The following C11orf65 variants were observed in gnomAD, a reference collection of about 807,000 sequenced individuals.
The protein encoded by C11orf65 is chromosome 11 open reading frame 65.
Under a neutral mutation model 35.3 loss-of-function variants are expected in C11orf65, and 38 were observed. The ratio of observed to expected loss-of-function variants is 1.08; its 90% CI spans 0.83 to 1.41. The LOEUF (loss-of-function observed/expected upper bound fraction) is 1.41, where lower values mean the gene tolerates loss of function less well. Among genes scored for constraint, C11orf65 ranks in the 40% most tolerant of loss-of-function variants. C11orf65 has a pLI of 0.00. For missense variants in C11orf65, 370 were observed against 367.1 expected, an observed-to-expected ratio of 1.01 and a Z score of -0.06; for synonymous variants, 105 against 114.4, an observed-to-expected ratio of 0.92 and a Z score of 0.53.
chr11:108,436,234 G>A (rs2093058546), intron 2 of C11orf65, among the ~76,000 whole-genome samples: 1 of 152,172 alleles, frequency 6.6e-6, no homozygotes, highest in Non-Finnish European at 1.5e-5. Flanking sequence ...AAGCTCTGCT[G>A]ACGCTTGATT....
intron 2 of C11orf65, among the ~76,000 whole-genome samples, chr11:108,444,658 C>G (rs2135552316): frequency 6.6e-6 from 1 of 152,278 alleles, no homozygotes; most frequent in Middle Eastern, 3.4e-3. Flanking sequence ...CAGCTCCAGT[C>G]TACAGCTCCC....
At chr11:108,318,890 T>C (rs1298497932) in intron 6 of C11orf65, among the ~76,000 whole-genome samples, 3 of 151,822 alleles carry the variant, frequency 2.0e-5, no homozygotes, top group African/African-American at 4.8e-5. Context: ...AAAAAAAAAT[T>C]ATTGGCCGAG....
At position 108,335,029 on chromosome 11, in the gene C11orf65, C is replaced by T. The variant is rs531980488; in HGVS notation, c.299+191G>A. On this transcript the variant is annotated intron_variant, in intron 3 of 3. Transcript: ENST00000524755. Reference sequence around the variant, plus strand: ...TATACAGTCATTTAAAGCAGAATTTCGCTTAGCAGGAGGTGTAAATTTACC... The same window carrying T: ...TATACAGTCATTTAAAGCAGAATTTTGCTTAGCAGGAGGTGTAAATTTACC... The T allele has an allele frequency of 3.9e-5, 63 of 1,613,840 alleles. No homozygotes were observed. In the Admixed American group the frequency reaches 4.3e-4, roughly 11 times the overall value.
intron 2 of C11orf65, among the ~76,000 whole-genome samples, chr11:108,376,747 A>T (rs1222710628): frequency 6.6e-6 from 1 of 152,196 alleles, no homozygotes; most frequent in Non-Finnish European, 1.5e-5. Flanking sequence ...ACTAATAAAG[A>T]AAAAAGGAGA....
chr11:108,367,459 C>A (rs1292473958), intron 2 of C11orf65: 1 of 201,856 alleles, frequency 5.0e-6, no homozygotes, highest in Non-Finnish European at 1.0e-5. Flanking sequence ...CTCTGTCCCC[C>A]AGCTGTCATC....
Position 108,436,111 on chromosome 11 carries a change from G to GA in C11orf65, c.82-4274dup, listed in dbSNP as rs200441216. ...TTGCTCCAGGAAAGGATTTTAGGAG[G>GA]AAAAAAAAAAAAAAGAAAGAAAATA... On this transcript the variant is annotated intron_variant, in intron 2 of 8. Coordinates refer to ENST00000393084, the MANE Select transcript of C11orf65 (RefSeq NM_152587.5). Among the ~76,000 whole-genome samples the GA allele has an allele frequency of 3.1e-3, 414 of 133,144 alleles. 10 individuals carry two copies. In the South Asian group the frequency reaches 0.041, roughly 13 times the overall value. 87.3% of individuals were successfully genotyped at this position (133,144 alleles called of 152,430 possible).
In C11orf65 at chr11:108,385,973, T is replaced by G. The variant is rs761247608; in HGVS notation, c.734A>C (p.Tyr245Ser). 5 of 1,612,892 alleles carry G rather than the reference T, an allele frequency of 3.1e-6. No homozygotes were observed. The Admixed American group carries it at 8.3e-5, about 27-fold the overall frequency. Residue 245 changes from tyrosine to serine, a missense_variant and splice_region_variant, in exon 8 of 9, where the codon TAC (tyrosine) becomes TCC (serine). By Grantham distance (144) the Tyr-to-Ser change is moderately radical. Transcript: ENST00000393084. ...AGCAATTTCCTTCCAGCTGGCAATGTACCTAAGCACATTATATGAGGATTC... is the reference window on the plus strand; with the variant it reads ...AGCAATTTCCTTCCAGCTGGCAATGGACCTAAGCACATTATATGAGGATTC... ...NWTNTLNFDE[Y>S]IASWKEIATS...
chr11:108,364,134 C>T (rs1023513495), intron 2 of C11orf65, among the ~76,000 whole-genome samples: 8 of 152,230 alleles, frequency 5.3e-5, no homozygotes, highest in Admixed American at 2.6e-4. Context: ...TAATCTAGTA[C>T]GTGTCCTGAA....
intron 6 of C11orf65, chr11:108,319,964 G>C (rs2136218834): frequency 6.2e-7 from 1 of 1,609,944 alleles, no homozygotes; most frequent in Non-Finnish European, 8.5e-7. Flanking sequence ...CAAAGAAGTA[G>C]AAGGAACCAG....
chr11:108,364,764 C>A (rs1053176869), intron 2 of C11orf65, among the ~76,000 whole-genome samples: 1 of 152,138 alleles, frequency 6.6e-6, no homozygotes, highest in Non-Finnish European at 1.5e-5. Flanking sequence ...AATACACTAA[C>A]CCAGGGTTAA....
rs1555110490 is a variant in C11orf65, at chr11:108,310,286, T to C, written c.641-1215A>G. The stretch of plus-strand genomic sequence containing the variant: ...TACTCTATGCAGAAATCTATGCAGA[T>C]AAGAAAAGTATGGATGATCAAGAGA... On this transcript the variant is annotated intron_variant, in intron 6 of 6. Transcript: ENST00000525729. 3 of 1,613,478 alleles carry C rather than the reference T, an allele frequency of 1.9e-6. No individual in the cohort carries two copies. Among genetic ancestry groups the C allele is most frequent in the South Asian group, 1.1e-5 (1 of 91,072 alleles).
chr11:108,461,460 A>T lies in C11orf65; in HGVS notation c.81+19T>A. 6.4e-7 allele frequency: 1 copy of T among 1,557,660 alleles called. No homozygotes were observed. The highest frequency in any genetic ancestry group is 8.8e-7 in the Non-Finnish European group (1 of 1,139,260). On this transcript the variant is annotated intron_variant, in intron 2 of 8. Transcript: ENST00000393084. The stretch of plus-strand genomic sequence containing the variant: ...TGACATAAAAATTATATTTCAATAA[A>T]ACTTCTAAATAAACTCACAAGGAAA...
At chr11:108,424,579 C>G (rs1212188925) in intron 3 of C11orf65, among the ~76,000 whole-genome samples, 3 of 152,070 alleles carry the variant, frequency 2.0e-5, no homozygotes, top group Non-Finnish European at 4.4e-5. Context: ...TTTAACACCC[C>G]CCTGTCAACA....
chr11:108,437,077 T>G (rs1187954349), intron 2 of C11orf65, among the ~76,000 whole-genome samples: 2 of 91,186 alleles, frequency 2.2e-5, no homozygotes, highest in Non-Finnish European at 2.0e-5. Flanking sequence ...GGTCAACATA[T>G]TAAGAACCCA....
rs2086536406 is a variant in C11orf65 at position 108,333,832 on chromosome 11, C to T, written c.299+1388G>A. On this transcript the variant is annotated intron_variant, in intron 3 of 3. Transcript: ENST00000524755. ...GTATCTGCTGACTATTCCTGCTTGA[C>T]CTTCAATGCTGTTCCTCAGTTTGTC... 4 of 1,369,066 alleles carry T rather than the reference C, an allele frequency of 2.9e-6. No individual in the cohort carries two copies. In the South Asian group the frequency reaches 4.6e-5, roughly 16 times the overall value. The allele number at this position is 1,369,066 out of a possible 1,614,324, so 84.8% of individuals were successfully genotyped here.
intron 3 of C11orf65, among the ~76,000 whole-genome samples, chr11:108,412,455 C>T (rs1165528879): frequency 4.6e-5 from 7 of 152,116 alleles, no homozygotes; most frequent in Admixed American, 4.6e-4. Flanking sequence ...GATAAAAAAT[C>T]AAGACCCAAC....
chr11:108,454,362 G>A (rs1467509645), intron 2 of C11orf65, among the ~76,000 whole-genome samples: 1 of 148,448 alleles, frequency 6.7e-6, no homozygotes, highest in African/African-American at 2.5e-5. Context: ...GCAATGGCAT[G>A]ATCTCAGCTC....
At chr11:108,311,212 C>G (rs1023405224) in intron 6 of C11orf65, among the ~76,000 whole-genome samples, 5 of 152,086 alleles carry the variant, frequency 3.3e-5, no homozygotes, top group African/African-American at 1.2e-4. Flanking sequence ...TACGTTCAAG[C>G]AGTCCTCCCA....
At chr11:108,404,374 A>G (rs1352221138) in intron 6 of C11orf65, among the ~76,000 whole-genome samples, 1 of 152,110 alleles carries the variant, frequency 6.6e-6, no homozygotes, top group African/African-American at 2.4e-5. Flanking sequence ...GGCCTTAAAA[A>G]GCCTTGTAAC....
Sources: gnomAD v4.1 joint callset for allele counts (sites outside exome capture counted in the v4.1 genomes callset) on GRCh38, gnomAD v4.1.1 for gene constraint, MANE v1.5 for transcripts, NCBI Gene and HGNC (gene_info 2026-07-23, HGNC 2026-07-21) for gene names.